The following RASEF variants were observed in gnomAD, a reference collection of about 807,000 sequenced individuals.
The protein encoded by RASEF is RAS and EF-hand domain containing.
Under a neutral mutation model 90.1 loss-of-function variants are expected in RASEF, and 68 were observed. The ratio of observed to expected loss-of-function variants is 0.75; its 90% CI spans 0.62 to 0.92. RASEF has a LOEUF of 0.92. RASEF is among the 40% of genes least tolerant of loss of function. RASEF has a pLI of 0.00. For missense variants in RASEF, 949 were observed against 937.2 expected (o/e 1.01, Z -0.16); for synonymous variants, 331 against 345.2 (o/e 0.96, Z 0.46).
At chr9:83,111,243 A>G in the RASEF span, among the ~76,000 whole-genome samples, 1 of 152,208 alleles carries the variant, frequency 6.6e-6, no homozygotes, top group Non-Finnish European at 1.5e-5. Context: ...TAATGAAACA[A>G]AAATAAATCT....
intron 1 of RASEF, among the ~76,000 whole-genome samples, chr9:83,057,540 A>T (rs1216611209): frequency 6.6e-6 from 1 of 152,226 alleles, no homozygotes; most frequent in Non-Finnish European, 1.5e-5. Flanking sequence ...AGATACAGAC[A>T]TAAACAGAGA....
chr9:83,205,874 C>T, the RASEF span, among the ~76,000 whole-genome samples: 11 of 152,080 alleles, frequency 7.2e-5, no homozygotes, highest in African/African-American at 9.7e-5. Context: ...ATGAACACAC[C>T]GTATAGACAT....
At chr9:83,016,312 G>A (rs1299658544) in intron 3 of RASEF, among the ~76,000 whole-genome samples, 1 of 151,950 alleles carries the variant, frequency 6.6e-6, no homozygotes. Flanking sequence ...CCCTAGAGAT[G>A]ATGTCTTATC....
chr9:83,047,260 A>G (rs1829951313), intron 1 of RASEF, among the ~76,000 whole-genome samples: 1 of 152,100 alleles, frequency 6.6e-6, no homozygotes, highest in African/African-American at 2.4e-5. Flanking sequence ...TTATGAGACT[A>G]CTCCAAAACA....
intron 1 of RASEF, among the ~76,000 whole-genome samples, chr9:83,039,556 G>A (rs1245503999): frequency 6.6e-6 from 1 of 152,170 alleles, no homozygotes; most frequent in Non-Finnish European, 1.5e-5. Flanking sequence ...CACAGGGTTA[G>A]GGAGAGGACT....
chr9:83,183,479 C>T, the RASEF span, among the ~76,000 whole-genome samples: 1 of 152,048 alleles, frequency 6.6e-6, no homozygotes, highest in Non-Finnish European at 1.5e-5. Flanking sequence ...GTAAGCAAGG[C>T]ACTGGAATAC....
chr9:83,019,043 T>C (rs1365480305), intron 3 of RASEF, among the ~76,000 whole-genome samples: 1 of 151,922 alleles, frequency 6.6e-6, no homozygotes, highest in African/African-American at 2.4e-5. Context: ...ATAAAGCTTA[T>C]AGAAGAAAAC....
intron 1 of RASEF, among the ~76,000 whole-genome samples, chr9:83,060,295 T>C (rs894380230): frequency 6.6e-6 from 1 of 152,212 alleles, no homozygotes; most frequent in African/African-American, 2.4e-5. Flanking sequence ...AACAACTTAA[T>C]CACTTTTTAA....
chr9:83,196,819 C>G, the RASEF span, among the ~76,000 whole-genome samples: 85,493 of 152,016 alleles, frequency 0.56, 25,098 homozygotes, highest in East Asian at 0.78. Context: ...GTGATTTGTG[C>G]AAATTAATCT....
At chr9:83,168,987 TC>T in the RASEF span, among the ~76,000 whole-genome samples, 1 of 152,042 alleles carries the variant, frequency 6.6e-6, no homozygotes, top group Non-Finnish European at 1.5e-5. Context: ...TTTTGTCTCA[TC>T]CCTCCCTGCT....
At chr9:83,058,172 CTTTTTTTTTTT>C (rs555842009) in intron 1 of RASEF, among the ~76,000 whole-genome samples, 28 of 57,898 alleles carry the variant, frequency 4.8e-4, no homozygotes, top group South Asian at 2.0e-3. Context: ...GTATTTATGT[CTTTTTTTTTTT>C]TTTTTTTTTT....
At chr9:83,073,444 C>A in the RASEF span, among the ~76,000 whole-genome samples, 1 of 149,590 alleles carries the variant, frequency 6.7e-6, no homozygotes, top group Non-Finnish European at 1.5e-5. Flanking sequence ...ATCTTTCTTA[C>A]TTCCCTCAAC....
the RASEF span, among the ~76,000 whole-genome samples, chr9:83,182,762 C>T: frequency 6.6e-6 from 1 of 151,958 alleles, no homozygotes; most frequent in Admixed American, 6.6e-5. Flanking sequence ...GGGTGATTTA[C>T]GTTTGGTGAA....
the RASEF span, among the ~76,000 whole-genome samples, chr9:83,123,567 T>A: frequency 7.1e-6 from 1 of 140,494 alleles, no homozygotes. Context: ...CCTCAGCCCA[T>A]CCTCAGAATC....
At chr9:83,192,657 A>G in the RASEF span, among the ~76,000 whole-genome samples, 2,516 of 151,988 alleles carry the variant, frequency 0.017, 33 homozygotes, top group Middle Eastern at 0.038. Flanking sequence ...AACCCCCATG[A>G]CACAAGTTTA....
At chr9:83,133,496 A>G in the RASEF span, among the ~76,000 whole-genome samples, 1 of 151,360 alleles carries the variant, frequency 6.6e-6, no homozygotes, top group Non-Finnish European at 1.5e-5. Context: ...CTGATTCCCA[A>G]TTAGTCACTA....
the RASEF span, among the ~76,000 whole-genome samples, chr9:83,169,009 G>A: frequency 6.6e-6 from 1 of 151,470 alleles, no homozygotes; most frequent in Non-Finnish European, 1.5e-5. Context: ...GCCCTTCCTA[G>A]CCTCTGGCAA....
the RASEF span, among the ~76,000 whole-genome samples, chr9:83,194,181 T>A: frequency 6.6e-6 from 1 of 152,232 alleles, no homozygotes; most frequent in East Asian, 1.9e-4. Flanking sequence ...GTGTCTTTCC[T>A]AATGTCCTTT....
the RASEF span, among the ~76,000 whole-genome samples, chr9:83,217,645 G>A: frequency 1.1e-4 from 17 of 152,082 alleles, no homozygotes; most frequent in African/African-American, 4.1e-4. Context: ...TTCGCCTTCC[G>A]CCATGATTGT....
Sources: allele counts gnomAD v4.1 joint callset (sites outside exome capture counted in the v4.1 genomes callset), GRCh38; gene constraint gnomAD v4.1.1; transcripts MANE v1.5; gene names NCBI Gene and HGNC (gene_info 2026-07-23, HGNC 2026-07-21).